Variants in LYPD8 observed in about 807,000 individuals in gnomAD.
LYPD8 encodes the protein LY6/PLAUR domain containing 8.
LYPD8 carries 8 observed loss-of-function variants against 1.7 expected under a neutral mutation model. The observed-to-expected ratio is 4.58, with a 90% confidence interval of 2.69 to 8.27. LYPD8 has a LOEUF of 8.27. LYPD8 is among the 30% of genes most tolerant of loss of function. The pLI is 0.00. For synonymous variants in LYPD8, 50 were observed against 43.6 expected (o/e 1.15, Z -0.58); for missense variants, 112 against 102.3 (o/e 1.09, Z -0.41).
chr1:248,746,059 A>G (rs1662722555), intron 5 of LYPD8, among the ~76,000 whole-genome samples: 2 of 152,326 alleles, frequency 1.3e-5, no homozygotes, highest in East Asian at 1.9e-4. Context: ...AAAAGGTATA[A>G]TAACAATGCC....
chr1:248,752,616 TCACA>T (rs1391847600), intron 2 of LYPD8, among the ~76,000 whole-genome samples: 1 of 47,320 alleles, frequency 2.1e-5, no homozygotes, highest in African/African-American at 5.8e-5. Context: ...CCCACACACA[TCACA>T]CACACACACC....
At position 248,739,868 on chromosome 1, in the gene LYPD8, C is replaced by A. The variant is rs1553283115; in HGVS notation, c.476-19G>T. On this transcript the variant is annotated intron_variant, in intron 6 of 6. Coordinates refer to ENST00000590317, the MANE Select transcript of LYPD8 (RefSeq NM_001085474.2). This position sits in a 1 kb window ranked among gnomAD's most constrained non-coding sequence, Gnocchi z 4.3. ...TCAATGTCTGTGAATGCAAAGGAGA[C>A]AGGAGGGACGCCACTCAGTCCTTTG... The A allele has an allele frequency of 1.3e-6, 2 of 1,551,324 alleles. No homozygotes were observed. Among genetic ancestry groups the A allele is most frequent in the Non-Finnish European group, 1.7e-6 (2 of 1,146,922 alleles).
chr1:248,750,301 C>G (rs1662778975), intron 4 of LYPD8, among the ~76,000 whole-genome samples: 1 of 139,820 alleles, frequency 7.2e-6, no homozygotes, highest in Admixed American at 7.3e-5. Flanking sequence ...GGGCATCAGT[C>G]CCAAACACCA....
At chr1:248,740,605 C>T (rs770115485) in intron 6 of LYPD8, among the ~76,000 whole-genome samples, 1 of 152,202 alleles carries the variant, frequency 6.6e-6, no homozygotes, top group Non-Finnish European at 1.5e-5. Context: ...TGAAGTGACT[C>T]CACTCACCAC....
chr1:248,740,785 A>G (rs1007798742), intron 6 of LYPD8, among the ~76,000 whole-genome samples: 10 of 151,976 alleles, frequency 6.6e-5, no homozygotes, highest in African/African-American at 2.2e-4. Flanking sequence ...CTGCAATTTG[A>G]GTTCAAGGCT....
chr1:248,746,004 G>C (rs1662721398), intron 5 of LYPD8, among the ~76,000 whole-genome samples: 1 of 152,216 alleles, frequency 6.6e-6, no homozygotes, highest in African/African-American at 2.4e-5. Context: ...AAGTAAATAT[G>C]AGAATCCAGC....
intron 4 of LYPD8, among the ~76,000 whole-genome samples, chr1:248,748,784 C>A (rs988695493): frequency 0.011 from 1,714 of 152,234 alleles, 19 homozygotes; most frequent in Non-Finnish European, 0.018. Flanking sequence ...ACAGACATGA[C>A]GAGCCTTATG....
Position 248,748,388 on chromosome 1 carries a change from T to C in LYPD8, c.238A>G (p.Ile80Val). 2.3e-6 allele frequency: 1 copy of C among 441,074 alleles called. No individual in the cohort carries two copies. The highest frequency in any genetic ancestry group is 3.5e-5 in the East Asian group (1 of 28,184). The allele number at this position is 441,074 out of a possible 1,614,324, so 27.3% of individuals were successfully genotyped here. Reference protein sequence around the residue: ...SAENCSEETHITAFTVHVSAE... With the variant: ...SAENCSEETHVTAFTVHVSAE... ...GACACGTGGACAGTGAAGGCTGTAATGTGTGTCTCCTCACTGCAGTTCTCC... is the reference window on the plus strand; with the variant it reads ...GACACGTGGACAGTGAAGGCTGTAACGTGTGTCTCCTCACTGCAGTTCTCC... The change falls in exon 5 of 7, where the codon ATT becomes GTT. Residue 80 changes from isoleucine to valine, a missense_variant. Coordinates refer to ENST00000590317, the MANE Select transcript of LYPD8 (RefSeq NM_001085474.2).
At chr1:248,744,064 T>G (rs1173300428) in intron 6 of LYPD8, among the ~76,000 whole-genome samples, 1 of 152,220 alleles carries the variant, frequency 6.6e-6, no homozygotes, top group African/African-American at 2.4e-5. Context: ...CAAAAGTTCT[T>G]TGGGGTCCTC....
chr1:248,752,493 A>AC (rs1662814768), intron 2 of LYPD8, among the ~76,000 whole-genome samples: 3 of 147,664 alleles, frequency 2.0e-5, no homozygotes, highest in East Asian at 4.0e-4. Flanking sequence ...CATGCACATC[A>AC]CCCCCCACAC....
rs1476588597 is a variant in LYPD8, at chr1:248,755,720, T to C, written c.-213A>G. 17 of 152,468 alleles carry C rather than the reference T, an allele frequency of 1.1e-4. No individual in the cohort carries two copies. The highest frequency in any genetic ancestry group is 1.1e-3 in the Admixed American group (17 of 15,308). The allele number at this position is 152,468 out of a possible 1,614,324, so 9.4% of individuals were successfully genotyped here. On this transcript the variant is annotated 5_prime_UTR_variant, in exon 1 of 7. Coordinates refer to ENST00000590317, the MANE Select transcript of LYPD8 (RefSeq NM_001085474.2). Reference sequence around the variant, plus strand: ...GTCCTCTCACCTTCTGGATCTGGCCTGGTGACTGTCCTACAGAAGGTGGTT... The same window carrying C: ...GTCCTCTCACCTTCTGGATCTGGCCCGGTGACTGTCCTACAGAAGGTGGTT...
intron 4 of LYPD8, among the ~76,000 whole-genome samples, chr1:248,749,371 A>T (rs1442801281): frequency 2.0e-5 from 3 of 152,162 alleles, no homozygotes; most frequent in African/African-American, 7.2e-5. Flanking sequence ...AATTACAGTT[A>T]ATTTTCTCAG....
chr1:248,751,627 T>G (rs1662804215), intron 2 of LYPD8, among the ~76,000 whole-genome samples: 1 of 152,190 alleles, frequency 6.6e-6, no homozygotes, highest in African/African-American at 2.4e-5. Context: ...CAGGTATTAA[T>G]TTATGTAATT....
In LYPD8 at chr1:248,739,844, C is replaced by T. The variant is rs562638949; in HGVS notation, c.481G>A (p.Glu161Lys). 2 of 1,551,600 alleles carry T rather than the reference C, an allele frequency of 1.3e-6. No homozygotes were observed. The highest frequency in any genetic ancestry group is 2.0e-5 in the Admixed American group (1 of 50,992). The change falls in exon 7 of 7, where the codon GAG (glutamate) becomes AAG (lysine). Residue 161 changes from glutamate to lysine, a missense_variant. Transcript: ENST00000590317. The surrounding 1 kb of genome is among the most constrained non-coding windows in gnomAD (Gnocchi z 4.3). Reference sequence around the variant, plus strand: ...CCTTTCAGCACGAGACTCTTAGACTCAATGTCTGTGAATGCAAAGGAGACA... The same window carrying T: ...CCTTTCAGCACGAGACTCTTAGACTTAATGTCTGTGAATGCAAAGGAGACA... ...FLVAELKNDIESKSLVLKGCS... is the reference protein window; with the variant it reads ...FLVAELKNDIKSKSLVLKGCS...
chr1:248,754,187 AAC>A (rs1386875390), intron 2 of LYPD8, among the ~76,000 whole-genome samples: 10 of 150,604 alleles, frequency 6.6e-5, no homozygotes, highest in African/African-American at 2.5e-4. Flanking sequence ...GTACACACCG[AAC>A]ACACACAACA....
chr1:248,752,783 A>C (rs1662829716), intron 2 of LYPD8, among the ~76,000 whole-genome samples: 1 of 89,828 alleles, frequency 1.1e-5, no homozygotes, highest in Admixed American at 1.2e-4. Context: ...CACAACACAC[A>C]CCACACACAC....
chr1:248,741,187 A>G (rs1023446651), intron 6 of LYPD8, among the ~76,000 whole-genome samples: 10 of 152,232 alleles, frequency 6.6e-5, no homozygotes, highest in African/African-American at 2.4e-4. Flanking sequence ...ATGCTGTTTT[A>G]TAGCAAGCAT....
intron 5 of LYPD8, among the ~76,000 whole-genome samples, chr1:248,746,588 CGCACGGCCAGCACCCACCCAGG>C (rs1662730532): frequency 6.7e-6 from 1 of 149,908 alleles, no homozygotes; most frequent in Non-Finnish European, 1.5e-5. Flanking sequence ...GGGCATCGCC[CGCACGGCCAGCACCCACCCAGG>C]GCATCCCCCG....
At chr1:248,748,855 G>T (rs1429800193) in intron 4 of LYPD8, among the ~76,000 whole-genome samples, 8 of 152,274 alleles carry the variant, frequency 5.3e-5, no homozygotes, top group Admixed American at 5.2e-4. Context: ...CAAGCTTCTA[G>T]CCAGAGCTAT....
Sources: gnomAD v4.1 joint callset for allele counts (sites outside exome capture counted in the v4.1 genomes callset) on GRCh38, gnomAD v4.1.1 for gene constraint, Gnocchi (gnomAD v3.1) non-coding constraint, MANE v1.5 for transcripts, NCBI Gene and HGNC (gene_info 2026-07-23, HGNC 2026-07-21) for gene names.